TPCN1: variants seen among roughly 807,000 people sequenced by gnomAD.
The protein encoded by TPCN1 is two pore channel protein 1.
A neutral mutation model predicts 108.8 loss-of-function variants in TPCN1; 52 were observed. That is an observed-to-expected ratio of 0.48 (90% CI 0.38 to 0.60). TPCN1 has a LOEUF of 0.60. Among genes scored for constraint, TPCN1 ranks in the 20% least tolerant of loss-of-function variants. The probability of loss-of-function intolerance (pLI) is 0.00; values close to 1 mark genes in which losing one functional copy is unlikely to be tolerated. For synonymous variants in TPCN1, 446 were observed against 433.7 expected, an observed-to-expected ratio of 1.03 and a Z score of -0.35; for missense variants, 806 against 1,072.8, an observed-to-expected ratio of 0.75 and a Z score of 3.47.
chr12:113,228,956 G>GT (rs1255145980), intron 2 of TPCN1, among the ~76,000 whole-genome samples: 1 of 152,202 alleles, frequency 6.6e-6, no homozygotes, highest in Non-Finnish European at 1.5e-5. Flanking sequence ...GGCTGTCATC[G>GT]TGAGTGTCAC....
Position 113,295,006 on chromosome 12 carries a change from C to T in TPCN1, c.2335-954C>T, listed in dbSNP as rs532272714. Among the ~76,000 whole-genome samples the T allele has an allele frequency of 1.6e-4, 25 of 152,340 alleles. No individual in the cohort carries two copies. In the South Asian group the frequency reaches 2.7e-3, roughly 16 times the overall value. ...GAACACAAGAGACTCAGGCAGTGTT[C>T]TTTGGGCTGATGTGTAGTGGCTCAC... On this transcript the variant is annotated intron_variant, in intron 27 of 27. Transcript: ENST00000335509.
At chr12:113,226,643 A>T (rs1358555505) in intron 1 of TPCN1, 85 bp from the exon 2 acceptor site, 2 of 1,116,638 alleles carry the variant, frequency 1.8e-6, no homozygotes, top group Non-Finnish European at 2.5e-6. Flanking sequence ...TGCAACCATC[A>T]CCACTATCTA....
intron 7 of TPCN1, among the ~76,000 whole-genome samples, chr12:113,271,569 C>T (rs907478758): frequency 2.6e-5 from 4 of 152,244 alleles, no homozygotes; most frequent in Non-Finnish European, 4.4e-5. Flanking sequence ...TGCCCTTTCG[C>T]TCAGCACTGT....
Position 113,295,950 on chromosome 12 carries a change from T to A in TPCN1, c.2335-10T>A. The A allele has an allele frequency of 6.3e-7, 1 of 1,585,600 alleles. No individual in the cohort carries two copies. Among genetic ancestry groups the A allele is most frequent in the Non-Finnish European group, 8.6e-7 (1 of 1,166,526 alleles). ...GCAGCCCTCAGCACCCCTTCTGCTC[T>A]CTTCTCCAGGAGTGGTATGAGGAGC... On this transcript the variant is annotated splice_polypyrimidine_tract_variant and intron_variant, in intron 27 of 27. Transcript: ENST00000335509.
Position 113,232,113 on chromosome 12 carries a change from G to A in TPCN1, c.112+5149G>A, listed in dbSNP as rs534292534. On this transcript the variant is annotated intron_variant, in intron 2 of 27. Coordinates refer to ENST00000335509, the MANE Select transcript of TPCN1 (RefSeq NM_017901.6). This position sits in a 1 kb window ranked among gnomAD's most constrained non-coding sequence, Gnocchi z 5.6. ...ATTGGGCTCGCGGGGGCTGGCTGAG[G>A]TCTGAGCAGGATGCTCCGTCTCTGC... Among the ~76,000 whole-genome samples the A allele has an allele frequency of 1.3e-5, 2 of 152,372 alleles. No individual in the cohort carries two copies. Among genetic ancestry groups the A allele is most frequent in the East Asian group, 1.9e-4 (1 of 5,190 alleles).
rs1397893302 is a variant in TPCN1 at position 113,297,699 on chromosome 12, A to AT, written c.*1625dup. 6.6e-6 allele frequency: 1 copy of AT among 152,394 alleles called. No homozygotes were observed. The highest frequency in any genetic ancestry group is 1.5e-5 in the Non-Finnish European group (1 of 68,068). The allele number at this position is 152,394 out of a possible 1,614,324, so 9.4% of individuals were successfully genotyped here. ...CAACACATTATTGAGACTCACTGTG[A>AT]TTCCCCCGGGAGTCAGACTGGCTTT... On this transcript the variant is annotated 3_prime_UTR_variant, in exon 28 of 28. Transcript: ENST00000335509. This position sits in a 1 kb window ranked among gnomAD's most constrained non-coding sequence, Gnocchi z 4.4.
intron 4 of TPCN1, 37 bp from the exon 5 acceptor site, chr12:113,267,806 G>A: frequency 6.8e-7 from 1 of 1,460,870 alleles, no homozygotes; most frequent in African/African-American, 1.4e-5. Flanking sequence ...CATGGGCTGG[G>A]CTGGCCATGA....
intron 2 of TPCN1, among the ~76,000 whole-genome samples, chr12:113,253,119 C>T (rs1024192015): frequency 1.3e-5 from 2 of 152,092 alleles, no homozygotes; most frequent in African/African-American, 4.8e-5. Flanking sequence ...GAGCATGACC[C>T]GGGGAGGTTA....
rs1956164753 is a variant in TPCN1, at chr12:113,288,509, G to A, written c.1707-249G>A. ...TACATTCACAGGTAAGGGGTCACCT[G>A]TGAGTCTACCTTCACAGGTAAGGGG... On this transcript the variant is annotated intron_variant, in intron 20 of 27. Coordinates refer to ENST00000335509, the MANE Select transcript of TPCN1 (RefSeq NM_017901.6). The surrounding 1 kb of genome is among the most constrained non-coding windows in gnomAD (Gnocchi z 4.8). 1 of 1,499,644 alleles carries A rather than the reference G, an allele frequency of 6.7e-7. No homozygotes were observed. The highest frequency in any genetic ancestry group is 2.2e-5 in the Admixed American group (1 of 46,500). The allele number at this position is 1,499,644 out of a possible 1,614,324, so 92.9% of individuals were successfully genotyped here.
intron 2 of TPCN1, among the ~76,000 whole-genome samples, chr12:113,254,568 T>C (rs538765058): frequency 6.6e-6 from 1 of 152,340 alleles, no homozygotes; most frequent in East Asian, 1.9e-4. Flanking sequence ...AGAAAAACCA[T>C]ATACAGGTTG....
chr12:113,290,909 G>A (rs1190896439), intron 22 of TPCN1, 43 bp from the exon 23 acceptor site: 57 of 1,604,456 alleles, frequency 3.6e-5, no homozygotes, highest in Non-Finnish European at 4.2e-5. Context: ...TGACTTTGAA[G>A]TGGGGTCTCA....
At chr12:113,257,811 A>G (rs764098692) in intron 2 of TPCN1, among the ~76,000 whole-genome samples, 3 of 152,244 alleles carry the variant, frequency 2.0e-5, no homozygotes, top group Non-Finnish European at 4.4e-5. Flanking sequence ...TTACTCAGCA[A>G]AGAAACAGAA....
In TPCN1 at chr12:113,272,541, C is replaced by T. The variant is rs149203626; in HGVS notation, c.749-117C>T. On this transcript the variant is annotated intron_variant, in intron 7 of 27. Transcript: ENST00000335509. This position sits in a 1 kb window ranked among gnomAD's most constrained non-coding sequence, Gnocchi z 4.1. ...AGGGTGCTGTGGTCCCCAGCAGTCC[C>T]TGCTGCTCTTCCTGACCTGCTGCGT... 4.4e-4 allele frequency: 417 copies of T among 954,386 alleles called. 4 individuals are homozygous for T. In the African/African-American group the frequency reaches 5.9e-3, roughly 13 times the overall value. 59.1% of individuals were successfully genotyped at this position (954,386 alleles called of 1,614,324 possible). A position where few individuals can be genotyped will look rare whatever the true frequency, so the allele number is the denominator to read the frequency against.
intron 2 of TPCN1, among the ~76,000 whole-genome samples, chr12:113,253,208 G>C (rs1378360198): frequency 6.6e-6 from 1 of 152,194 alleles, no homozygotes; most frequent in African/African-American, 2.4e-5. Context: ...GCTGTTGTAA[G>C]AACTAAGTGG....
intron 2 of TPCN1, among the ~76,000 whole-genome samples, chr12:113,251,585 G>T (rs962795182): frequency 1.3e-5 from 2 of 151,898 alleles, no homozygotes; most frequent in African/African-American, 2.4e-5. Context: ...GCTGTCCCGT[G>T]GGGGGGCTCC....
intron 27 of TPCN1, among the ~76,000 whole-genome samples, chr12:113,295,610 A>G (rs1956398342): frequency 6.6e-6 from 1 of 152,146 alleles, no homozygotes; most frequent in Admixed American, 6.5e-5. Flanking sequence ...AAACAGGGAC[A>G]CAATTCCTGC....
chr12:113,295,104 TCTGTGCAAGGGGATGA>T (rs1451645321), intron 27 of TPCN1, among the ~76,000 whole-genome samples: 9 of 152,282 alleles, frequency 5.9e-5, no homozygotes, highest in African/African-American at 2.2e-4. Flanking sequence ...TGCCTCCCTG[TCTGTGCAAGGGGATGA>T]CTGTGCAGCA....
chr12:113,286,801 G>A (rs1956098434), intron 18 of TPCN1, among the ~76,000 whole-genome samples, 186 bp from the exon 19 acceptor site: 1 of 152,222 alleles, frequency 6.6e-6, no homozygotes, highest in Non-Finnish European at 1.5e-5. Flanking sequence ...GACGCATGCT[G>A]GGACAGGGCC....
chr12:113,245,618 A>AG (rs1486863611), intron 2 of TPCN1, among the ~76,000 whole-genome samples: 1 of 120,542 alleles, frequency 8.3e-6, no homozygotes, highest in Non-Finnish European at 1.7e-5. Context: ...AAAAAAAAAA[A>AG]AAAGAAAAGA....
Sources: allele counts gnomAD v4.1 joint callset (sites outside exome capture counted in the v4.1 genomes callset), GRCh38; gene constraint gnomAD v4.1.1; non-coding constraint Gnocchi (gnomAD v3.1); transcripts MANE v1.5; gene names NCBI Gene and HGNC (gene_info 2026-07-23, HGNC 2026-07-21).